Variants in MEGF6 observed in about 807,000 individuals in gnomAD.
MEGF6 encodes the protein multiple EGF like domains 6.
In MEGF6, 184 loss-of-function variants were observed where a neutral mutation model predicts 207.1. The ratio of observed to expected loss-of-function variants is 0.89; its 90% confidence interval spans 0.79 to 1.00. MEGF6 has a LOEUF of 1.00. MEGF6 is among the 50% of genes least tolerant of loss of function. The probability of loss-of-function intolerance (pLI) is 0.00; values close to 1 mark genes in which losing one functional copy is unlikely to be tolerated. For synonymous variants in MEGF6, 1,038 were observed against 910.0 expected (o/e 1.14, Z -2.53); for missense variants, 2,282 against 2,202.9 (o/e 1.04, Z -0.72).
intron 24 of MEGF6, 55 bp downstream of exon 24, chr1:3,499,083 C>T: frequency 6.3e-7 from 1 of 1,582,598 alleles, no homozygotes; most frequent in Non-Finnish European, 8.6e-7. Context: ...TGCAAGAGGC[C>T]AGCACCCTCG....
At position 3,494,033 on chromosome 1, in the gene MEGF6, G is replaced by T. The variant is rs1438098472; in HGVS notation, c.4221C>A (p.Leu1407=). The T allele has an allele frequency of 6.2e-7, 1 of 1,609,812 alleles. No individual in the cohort carries two copies. Among genetic ancestry groups the T allele is most frequent in the Admixed American group, 1.7e-5 (1 of 59,502 alleles). Reference sequence around the variant, plus strand: ...AGTGGCCGTGGAAGCCGGCAGGGCAGAGGCATCGGCCACTGATGGGGTCGC... The same window carrying T: ...AGTGGCCGTGGAAGCCGGCAGGGCATAGGCATCGGCCACTGATGGGGTCGC... ...APCDPISGRC[L]CPAGFHGHFC... The change falls in exon 33 of 37, where the codon CTC becomes CTA. Residue 1407 remains leucine, a synonymous_variant. Transcript: ENST00000356575.
At chr1:3,503,054 C>T (rs1640966117) in intron 17 of MEGF6, among the ~76,000 whole-genome samples, 1 of 152,214 alleles carries the variant, frequency 6.6e-6, no homozygotes, top group Non-Finnish European at 1.5e-5. Context: ...AGAAGGCCCA[C>T]AGCGGGGCTG....
intron 3 of MEGF6, among the ~76,000 whole-genome samples, chr1:3,587,633 C>T (rs937426616): frequency 3.9e-5 from 6 of 152,218 alleles, no homozygotes; most frequent in African/African-American, 1.4e-4. Flanking sequence ...GAGCTCACAG[C>T]CTCTGTGATA....
chr1:3,496,950 C>T (rs61759245), intron 28 of MEGF6, 38 bp downstream of exon 28: 2 of 1,543,336 alleles, frequency 1.3e-6, no homozygotes, highest in South Asian at 2.4e-5. Flanking sequence ...CGCCAGGCAG[C>T]ACTGCCGAGT....
At position 3,556,408 on chromosome 1, in the gene MEGF6, G is replaced by A. The variant is rs943467014; in HGVS notation, c.481+23417C>T. On this transcript the variant is annotated intron_variant, in intron 4 of 36. Coordinates refer to ENST00000356575, the MANE Select transcript of MEGF6 (RefSeq NM_001409.4). This position sits in a 1 kb window ranked among gnomAD's most constrained non-coding sequence, Gnocchi z 4.4. The stretch of plus-strand genomic sequence containing the variant: ...GCGCATCCAAAACCGCCGGCTGGCT[G>A]AACCAAATTGGCCCGGGACCTCCTC... Among the ~76,000 whole-genome samples the A allele has an allele frequency of 6.6e-6, 1 of 152,244 alleles. No individual in the cohort carries two copies. Among genetic ancestry groups the A allele is most frequent in the Admixed American group, 6.5e-5 (1 of 15,284 alleles).
At chr1:3,524,282 C>T (rs1162420080) in intron 4 of MEGF6, 36 bp from the exon 5 acceptor site, 2 of 1,590,834 alleles carry the variant, frequency 1.3e-6, no homozygotes, top group African/African-American at 1.3e-5. Flanking sequence ...CAGCTGGGCA[C>T]CTGTGCCCTC....
Position 3,494,632 on chromosome 1 carries a change from C to G in MEGF6, c.3981G>C (p.Thr1327=). The change falls in exon 31 of 37, where the codon ACG becomes ACC. Residue 1327 remains threonine (T), a synonymous_variant. Coordinates refer to ENST00000356575, the MANE Select transcript of MEGF6 (RefSeq NM_001409.4). The stretch of plus-strand genomic sequence containing the variant: ...ACTCACCCAGCTCGCAGTGCCGCCC[C>G]GTCCAGCCCAGGCCACAGGAGCAGC... ...NGSCSCGLGW[T]GRHCELACPP... The G allele has an allele frequency of 6.4e-7, 1 of 1,562,882 alleles. No individual in the cohort carries two copies. Among genetic ancestry groups the G allele is most frequent in the Non-Finnish European group, 8.7e-7 (1 of 1,155,478 alleles).
rs1022585630 is a variant in MEGF6 at position 3,497,333 on chromosome 1, G to A, written c.3381C>T (p.Ala1127=). The change falls in exon 27 of 37, where the codon GCC becomes GCT. Residue 1127 remains alanine (A), a synonymous_variant. Coordinates refer to ENST00000356575, the MANE Select transcript of MEGF6 (RefSeq NM_001409.4). ...SPCLRGWFGE[A]CAQRCSCPPG... ...GCGGGCAGCTGCAGCGCTGGGCACA[G>A]GCCTCTCCAAACCAGCCCCGCAGGC... 5 of 1,553,512 alleles carry A rather than the reference G, an allele frequency of 3.2e-6. No individual in the cohort carries two copies. In the African/African-American group the frequency reaches 6.9e-5, roughly 22 times the overall value.
Position 3,524,238 on chromosome 1 carries a change from C to T in MEGF6, c.490G>A (p.Glu164Lys), listed in dbSNP as rs760830527. 4.3e-6 allele frequency: 7 copies of T among 1,611,618 alleles called. No homozygotes were observed. Among genetic ancestry groups the T allele is most frequent in the South Asian group, 3.3e-5 (3 of 91,030 alleles). Residue 164 changes from glutamate (E) to lysine (K), a missense_variant, in exon 5 of 37, where the codon GAA becomes AAA. By Grantham distance (56) the Glu-to-Lys change is moderately conservative. Transcript: ENST00000356575. ...CAGCCACCGTTGTGGGTTCGGCATTCGTCCACATCTGAGCAGGAATGGGGA... is the reference window on the plus strand; with the variant it reads ...CAGCCACCGTTGTGGGTTCGGCATTTGTCCACATCTGAGCAGGAATGGGGA... ...QGPRCQYDVD[E>K]CRTHNGGCQH... is the part of the protein sequence containing the mutation.
intron 4 of MEGF6, among the ~76,000 whole-genome samples, chr1:3,548,333 C>G (rs1040992456): frequency 6.6e-6 from 1 of 152,224 alleles, no homozygotes; most frequent in South Asian, 2.1e-4. Flanking sequence ...GAGCCCCGGG[C>G]GGGGCCAAAG....
At chr1:3,616,092 C>A (rs1005643413), upstream of MEGF6, among the ~76,000 whole-genome samples, 1 of 152,196 alleles carries the variant, frequency 6.6e-6, no homozygotes, top group Non-Finnish European at 1.5e-5. Flanking sequence ...AAACTACCAG[C>A]TCAGTGGATA....
chr1:3,507,856 G>A lies in MEGF6; in HGVS notation c.1728C>T (p.Cys576=), dbSNP rs771821271. 4.5e-5 allele frequency: 72 copies of A among 1,612,636 alleles called. No homozygotes were observed. The highest frequency in any genetic ancestry group is 1.1e-4 in the South Asian group (10 of 91,072). ...FSCSCQNGGT[C]DSVTGACRCP... ...AGCGGCAGGCCCCCGTGACAGAGTC[G>A]CAGGTCCCACCATTCTGACAGCTGC... Residue 576 remains cysteine, a synonymous_variant, in exon 14 of 37, where the codon TGC becomes TGT. Transcript: ENST00000356575.
chr1:3,494,669 G>A lies in MEGF6; in HGVS notation c.3944C>T (p.Ala1315Val). ...GCCACAGGAGCAGCTGCCGTTGCTG[G>A]CGTGGCACAGGCCCCCATTTCTGCA... ...CSCRNGGLCH[A>V]SNGSCSCGLG... The change falls in exon 31 of 37, where the codon GCC (alanine) becomes GTC (valine). Residue 1315 changes from alanine to valine, a missense_variant. Ala to Val is a moderately conservative substitution (Grantham distance 64). Transcript: ENST00000356575. The A allele has an allele frequency of 6.4e-7, 1 of 1,568,658 alleles. No individual in the cohort carries two copies. Among genetic ancestry groups the A allele is most frequent in the Non-Finnish European group, 8.6e-7 (1 of 1,158,144 alleles).
At position 3,501,210 on chromosome 1, in the gene MEGF6, G is replaced by A. The variant is rs780772918; in HGVS notation, c.2413C>T (p.Leu805Phe). 1.2e-6 allele frequency: 2 copies of A among 1,612,288 alleles called. No individual in the cohort carries two copies. The highest frequency in any genetic ancestry group is 2.2e-5 in the South Asian group (2 of 91,050). Reference protein sequence around the residue: ...CDPETGACLCLPGFVGSRCQD... With the variant: ...CDPETGACLCFPGFVGSRCQD... ...CAGCGGCTGCCGACGAAGCCAGGGAGGCACAGGCAGGCTCCGGTCTCAGGG... is the reference window on the plus strand; with the variant it reads ...CAGCGGCTGCCGACGAAGCCAGGGAAGCACAGGCAGGCTCCGGTCTCAGGG... The change falls in exon 19 of 37, where the codon CTC (leucine) becomes TTC (phenylalanine). Residue 805 changes from leucine to phenylalanine, a missense_variant. Physicochemically the swap from Leu to Phe is conservative, Grantham distance 22. Transcript: ENST00000356575.
chr1:3,496,918 C>T, intron 28 of MEGF6, 70 bp downstream of exon 28: 1 of 1,530,170 alleles, frequency 6.5e-7, no homozygotes, highest in Admixed American at 2.0e-5. Flanking sequence ...TTCCCGGGGA[C>T]CAGGGGAACT....
At chr1:3,571,974 T>TTCCTGGGTGTGCTGGGTTC (rs1643511822) in intron 4 of MEGF6, among the ~76,000 whole-genome samples, 1 of 113,610 alleles carries the variant, frequency 8.8e-6, no homozygotes, top group East Asian at 3.1e-4. Context: ...TGCTGGGTCC[T>TTCCTGGGTGTGCTGGGTTC]TCCTGGGTGT....
rs548409358 is a variant in MEGF6, at chr1:3,494,399, G to A, written c.4101C>T (p.Pro1367=). Residue 1367 remains proline, a synonymous_variant, in exon 32 of 37, where the codon CCC becomes CCT. Transcript: ENST00000356575. The part of the protein sequence containing the change: ...EPATGTCRCG[P]GFYGQACEHP... ...GCTCGCAGGCCTGGCCATAGAAGCC[G>A]GGGCCGCAGCGGCAGGTGCCCGTGG... 2.2e-5 allele frequency: 34 copies of A among 1,553,332 alleles called. No individual in the cohort carries two copies. The highest frequency in any genetic ancestry group is 1.9e-4 in the Admixed American group (10 of 52,064).
intron 9 of MEGF6, 98 bp from the exon 10 acceptor site, chr1:3,511,000 C>T (rs547292878): frequency 2.5e-4 from 377 of 1,484,324 alleles, no homozygotes; most frequent in Non-Finnish European, 3.2e-4. Context: ...ACAACCCACG[C>T]GCCCGACTGC....
intron 4 of MEGF6, among the ~76,000 whole-genome samples, chr1:3,568,399 C>T (rs575746581): frequency 2.6e-5 from 4 of 152,064 alleles, no homozygotes; most frequent in African/African-American, 9.7e-5. Context: ...CAGTAGTGGT[C>T]CTAGGCCCCT....
Sources: allele counts gnomAD v4.1 joint callset (sites outside exome capture counted in the v4.1 genomes callset), GRCh38; gene constraint gnomAD v4.1.1; non-coding constraint Gnocchi (gnomAD v3.1); transcripts MANE v1.5; gene names NCBI Gene and HGNC (gene_info 2026-07-23, HGNC 2026-07-21).